C17orf58: variants seen among roughly 807,000 people sequenced by gnomAD.
C17orf58 encodes the protein UPF0450 protein C17orf58.
In C17orf58, 5 loss-of-function variants were observed where a neutral mutation model predicts 7.4. That is an observed-to-expected ratio of 0.67 (90% CI 0.35 to 1.42). The LOEUF (loss-of-function observed/expected upper bound fraction) is 1.42. Among genes scored for constraint, C17orf58 ranks in the 40% most tolerant of loss-of-function variants. The pLI is 0.04. For missense variants in C17orf58, 162 were observed against 174.2 expected, an observed-to-expected ratio of 0.93 and a Z score of 0.40; for synonymous variants, 60 against 70.6, an observed-to-expected ratio of 0.85 and a Z score of 0.75.
intron 3 of C17orf58, 28 bp from the exon 4 acceptor site, chr17:67,992,131 C>A: frequency 1.3e-6 from 2 of 1,514,988 alleles, no homozygotes; most frequent in South Asian, 1.3e-5. Context: ...AACATTAATT[C>A]ATAGTGTCTT....
intron 1 of C17orf58, among the ~76,000 whole-genome samples, chr17:67,994,853 T>G (rs2070879136): frequency 6.6e-6 from 1 of 151,970 alleles, no homozygotes; most frequent in Non-Finnish European, 1.5e-5. Context: ...TCGCTTACAT[T>G]TTTTTCCCCA....
rs2070833577 is a variant in C17orf58 at position 67,991,824 on chromosome 17, A to G, written c.*89T>C. ...AGAGTAGCTGAGGGCTCTCTTCTGA[A>G]GGAGGACCCATTACATGAAGGTAGA... On this transcript the variant is annotated 3_prime_UTR_variant, in exon 4 of 4. Coordinates refer to ENST00000580729, the MANE Select transcript of C17orf58 (RefSeq NM_001382359.1). The G allele has an allele frequency of 2.7e-6, 3 of 1,101,494 alleles. No individual in the cohort carries two copies. The highest frequency in any genetic ancestry group is 3.9e-6 in the Non-Finnish European group (3 of 767,954). 68.2% of individuals were successfully genotyped at this position (1,101,494 alleles called of 1,614,324 possible). A position where few individuals can be genotyped will look rare whatever the true frequency, so the allele number is the denominator to read the frequency against.
intron 3 of C17orf58, 108 bp downstream of exon 3, chr17:67,992,936 A>AAATG (rs1568261040): frequency 6.2e-7 from 1 of 1,614,084 alleles, no homozygotes; most frequent in Non-Finnish European, 8.5e-7. Flanking sequence ...ATTGTTTCCC[A>AAATG]TCGCTCCCAA....
At chr17:67,994,535 T>TATATATATATATATATAAAAAA (rs71142122) in intron 1 of C17orf58, among the ~76,000 whole-genome samples, 1 of 100,306 alleles carries the variant, frequency 1.0e-5, no homozygotes, top group African/African-American at 3.2e-5. Flanking sequence ...TATATATATA[T>TATATATATATATATATAAAAAA]AAAACATATA....
Position 67,993,385 on chromosome 17 carries a change from C to G in C17orf58, c.637+39G>C. 1.7e-6 allele frequency: 1 copy of G among 591,630 alleles called. No individual in the cohort carries two copies. The highest frequency in any genetic ancestry group is 3.0e-6 in the Non-Finnish European group (1 of 338,354). The allele number at this position is 591,630 out of a possible 1,614,324, so 36.6% of individuals were successfully genotyped here. A position where few individuals can be genotyped will look rare whatever the true frequency, so the allele number is the denominator to read the frequency against. On this transcript the variant is annotated intron_variant, in intron 2 of 3. Coordinates refer to ENST00000580729, the MANE Select transcript of C17orf58 (RefSeq NM_001382359.1). This position sits in a 1 kb window ranked among gnomAD's most constrained non-coding sequence, Gnocchi z 5.1. ...GGATTCTCCGGGGCTCGGAAAGGCT[C>G]GCGGGGCGGCGGGGCGGCGGCGCGG...
intron 1 of C17orf58, among the ~76,000 whole-genome samples, chr17:67,994,516 G>GTGTGTGTATATATATA (rs1244199425): frequency 6.7e-5 from 6 of 89,544 alleles, no homozygotes; most frequent in African/African-American, 1.9e-4. Context: ...GTGTGTGTGT[G>GTGTGTGTATATATATA]TATATATATA....
At chr17:67,994,535 T>TATATATATATATATATATA (rs71142122) in intron 1 of C17orf58, among the ~76,000 whole-genome samples, 4 of 100,302 alleles carry the variant, frequency 4.0e-5, no homozygotes, top group South Asian at 7.7e-4. Flanking sequence ...TATATATATA[T>TATATATATATATATATATA]AAAACATATA....
Position 67,993,188 on chromosome 17 carries a change from G to A in C17orf58, c.685C>T (p.Arg229Trp), listed in dbSNP as rs782343169. The A allele has an allele frequency of 3.8e-5, 61 of 1,610,776 alleles. No individual in the cohort carries two copies. In the African/African-American group the frequency reaches 5.9e-4, roughly 16 times the overall value. Reference protein sequence around the residue: ...HDVDVLGAGIRLVTLLVDRDG... With the variant: ...HDVDVLGAGIWLVTLLVDRDG... ...CGATCCACCAGCAGGGTCACCAGCC[G>A]GATGCCCGCGCCCAGCACGTCCACA... The change falls in exon 3 of 4, where the codon CGG becomes TGG. Residue 229 changes from arginine (R) to tryptophan (W), a missense_variant. Transcript: ENST00000580729. This position sits in a 1 kb window ranked among gnomAD's most constrained non-coding sequence, Gnocchi z 5.1.
Position 67,993,014 on chromosome 17 carries a change from A to G in C17orf58, c.829+30T>C. The G allele has an allele frequency of 1.2e-6, 2 of 1,614,216 alleles. No homozygotes were observed. Among genetic ancestry groups the G allele is most frequent in the Non-Finnish European group, 1.7e-6 (2 of 1,180,036 alleles). The stretch of plus-strand genomic sequence containing the variant: ...TTACAAACGGTGGTATAAAGTACAT[A>G]TGCAGCGTCATTCAGGTCAGTTTCA... On this transcript the variant is annotated intron_variant, in intron 3 of 3. Transcript: ENST00000580729. This position sits in a 1 kb window ranked among gnomAD's most constrained non-coding sequence, Gnocchi z 5.1.
At chr17:67,992,374 C>T (rs1243431088) in intron 3 of C17orf58, among the ~76,000 whole-genome samples, 18 of 151,994 alleles carry the variant, frequency 1.2e-4, no homozygotes, top group African/African-American at 4.1e-4. Flanking sequence ...TTGAGACCAG[C>T]CTGGCCAACA....
Position 67,991,710 on chromosome 17 carries a change from G to C in C17orf58, c.*203C>G. 2.3e-6 allele frequency: 1 copy of C among 437,682 alleles called. No homozygotes were observed. The highest frequency in any genetic ancestry group is 4.5e-5 in the South Asian group (1 of 22,006). 27.1% of individuals were successfully genotyped at this position (437,682 alleles called of 1,614,324 possible). On this transcript the variant is annotated 3_prime_UTR_variant, in exon 4 of 4. Transcript: ENST00000580729. ...ACTACAGTTGAATCACCTTGACACT[G>C]AGCTCAGGAGCAGCCCATTTAAGAA...
At position 67,996,068 on chromosome 17, in the gene C17orf58, T is replaced by TC. The variant is rs1175422996; in HGVS notation, c.76+54dup. 70 of 396,408 alleles carry TC rather than the reference T, an allele frequency of 1.8e-4. 1 individual carries two copies. The highest frequency in any genetic ancestry group is 1.6e-3 in the East Asian group (44 of 27,880). The allele number at this position is 396,408 out of a possible 1,614,324, so 24.6% of individuals were successfully genotyped here. On this transcript the variant is annotated intron_variant, in intron 1 of 3. Transcript: ENST00000580729. ...CGTTTCACTGAGCCTCCTTCCCAGCTCCCCCCCACAGATCCCCGCTCCGCT... is the reference window on the plus strand; with the variant it reads ...CGTTTCACTGAGCCTCCTTCCCAGCTCCCCCCCCACAGATCCCCGCTCCGCT...
chr17:67,993,088 A>C lies in C17orf58; in HGVS notation c.785T>G (p.Leu262Arg). The change falls in exon 3 of 4, where the codon CTG (leucine) becomes CGG (arginine). Residue 262 changes from leucine to arginine, a missense_variant. Coordinates refer to ENST00000580729, the MANE Select transcript of C17orf58 (RefSeq NM_001382359.1). The surrounding 1 kb of genome is among the most constrained non-coding windows in gnomAD (Gnocchi z 5.1). ...CGGCTTATTGCAGCTGGAGGAGTCC[A>C]GGGCTAACATGTGGACTCGGAAGAA... ...GFFFRVHMLALDSSSCNKPCP... is the reference protein window; with the variant it reads ...GFFFRVHMLARDSSSCNKPCP... 1 of 1,614,148 alleles carries C rather than the reference A, an allele frequency of 6.2e-7. No homozygotes were observed. Among genetic ancestry groups the C allele is most frequent in the Non-Finnish European group, 8.5e-7 (1 of 1,180,004 alleles).
chr17:67,995,303 A>G (rs1247631010), intron 1 of C17orf58, among the ~76,000 whole-genome samples: 32 of 152,348 alleles, frequency 2.1e-4, no homozygotes, highest in Admixed American at 3.3e-4. Flanking sequence ...TGGATATCCA[A>G]TTCCTGACTG....
chr17:67,992,117 C>A lies in C17orf58; in HGVS notation c.830-14G>T, dbSNP rs2070839297. 1.3e-6 allele frequency: 2 copies of A among 1,538,990 alleles called. No homozygotes were observed. Among genetic ancestry groups the A allele is most frequent in the Non-Finnish European group, 1.8e-6 (2 of 1,142,826 alleles). On this transcript the variant is annotated splice_polypyrimidine_tract_variant and intron_variant, in intron 3 of 3. Coordinates refer to ENST00000580729, the MANE Select transcript of C17orf58 (RefSeq NM_001382359.1). ...TATACCTGCTGCCTGGACAAAATAA[C>A]CAGAACATTAATTCATAGTGTCTTT... is the stretch of plus-strand genomic sequence containing the variant.
chr17:67,992,936 A>G (rs782563524), intron 3 of C17orf58, 108 bp downstream of exon 3: 2 of 1,614,084 alleles, frequency 1.2e-6, no homozygotes, highest in Non-Finnish European at 1.7e-6. Flanking sequence ...ATTGTTTCCC[A>G]TCGCTCCCAA....
chr17:67,996,139 C>T lies in C17orf58; in HGVS notation c.60G>A (p.Pro20=), dbSNP rs2070890008. Residue 20 remains proline, a synonymous_variant, in exon 1 of 4, where the codon CCG becomes CCA. Transcript: ENST00000580729. ...CLIVGSSPEA[P]VAERKTSPPH... ...CAATCTTACTTTTTCTCTCCGCCAC[C>T]GGTGCTTCGGGGGATGATCCGACGA... is the stretch of plus-strand genomic sequence containing the variant. 4 of 398,924 alleles carry T rather than the reference C, an allele frequency of 1.0e-5. No individual in the cohort carries two copies. The highest frequency in any genetic ancestry group is 1.8e-5 in the Non-Finnish European group (4 of 226,118). 24.7% of individuals were successfully genotyped at this position (398,924 alleles called of 1,614,324 possible). A position where few individuals can be genotyped will look rare whatever the true frequency, so the allele number is the denominator to read the frequency against.
Position 67,993,359 on chromosome 17 carries a change from C to G in C17orf58, c.637+65G>C. ...GTCAGGCGCCCTGGGATCTCGCGGGCGGATTCTCCGGGGCTCGGAAAGGCT... is the reference window on the plus strand; with the variant it reads ...GTCAGGCGCCCTGGGATCTCGCGGGGGGATTCTCCGGGGCTCGGAAAGGCT... On this transcript the variant is annotated intron_variant, in intron 2 of 3. Transcript: ENST00000580729. The surrounding 1 kb of genome is among the most constrained non-coding windows in gnomAD (Gnocchi z 5.1). The G allele has an allele frequency of 1.6e-6, 1 of 641,448 alleles. No homozygotes were observed. Among genetic ancestry groups the G allele is most frequent in the African/African-American group, 1.9e-5 (1 of 53,832 alleles). The allele number at this position is 641,448 out of a possible 1,614,324, so 39.7% of individuals were successfully genotyped here. A position where few individuals can be genotyped will look rare whatever the true frequency, so the allele number is the denominator to read the frequency against.
In C17orf58 at chr17:67,991,652, C is replaced by T. The variant is rs1166038774; in HGVS notation, c.*261G>A. 1.8e-5 allele frequency: 5 copies of T among 283,374 alleles called. No individual in the cohort carries two copies. The Admixed American group carries it at 2.6e-4, about 15-fold the overall frequency. The allele number at this position is 283,374 out of a possible 1,614,324, so 17.6% of individuals were successfully genotyped here. On this transcript the variant is annotated 3_prime_UTR_variant, in exon 4 of 4. Transcript: ENST00000580729. ...GCAATGATCTGTTAACTGGACAGGTCAATTATCTGAGCTGTGTAAATCATT... is the reference window on the plus strand; with the variant it reads ...GCAATGATCTGTTAACTGGACAGGTTAATTATCTGAGCTGTGTAAATCATT...
Sources: allele counts gnomAD v4.1 joint callset (sites outside exome capture counted in the v4.1 genomes callset), GRCh38; gene constraint gnomAD v4.1.1; non-coding constraint Gnocchi (gnomAD v3.1); transcripts MANE v1.5; gene names NCBI Gene and HGNC (gene_info 2026-07-23, HGNC 2026-07-21).